The following MYO1D variants were observed in gnomAD, a reference collection of about 807,000 sequenced individuals.
The protein encoded by MYO1D is myosin ID.
A neutral mutation model predicts 122.0 loss-of-function variants in MYO1D; 83 were observed. The observed-to-expected ratio is 0.68, with a 90% CI of 0.57 to 0.82. The LOEUF (loss-of-function observed/expected upper bound fraction) is 0.82. Among genes scored for constraint, MYO1D ranks in the 40% least tolerant of loss-of-function variants. The pLI is 0.00. For missense variants in MYO1D, 1,157 were observed against 1,269.5 expected (o/e 0.91, Z 1.35); for synonymous variants, 464 against 446.9 (o/e 1.04, Z -0.48).
At chr17:32,520,650 C>A (rs964416153) in intron 21 of MYO1D, among the ~76,000 whole-genome samples, 1 of 152,186 alleles carries the variant, frequency 6.6e-6, no homozygotes. Context: ...GGGGCTCCCC[C>A]GATACAGGTC....
intron 1 of MYO1D, among the ~76,000 whole-genome samples, chr17:32,795,761 G>A (rs1384933082): frequency 6.6e-6 from 1 of 152,174 alleles, no homozygotes; most frequent in East Asian, 1.9e-4. Context: ...GAGTCCGCCT[G>A]AAGACAAGTA....
At chr17:32,564,423 T>A (rs1185680808) in intron 21 of MYO1D, among the ~76,000 whole-genome samples, 1 of 152,204 alleles carries the variant, frequency 6.6e-6, no homozygotes, top group Non-Finnish European at 1.5e-5. Flanking sequence ...CGACACCCTC[T>A]ACTTAGCAAT....
chr17:32,569,802 C>G (rs1260175495), intron 21 of MYO1D, among the ~76,000 whole-genome samples: 2 of 152,076 alleles, frequency 1.3e-5, no homozygotes, highest in Non-Finnish European at 2.9e-5. Flanking sequence ...GCACGTATAA[C>G]TTGAATATAT....
chr17:32,819,577 A>G (rs760144998), intron 1 of MYO1D, among the ~76,000 whole-genome samples: 31 of 152,170 alleles, frequency 2.0e-4, no homozygotes, highest in Admixed American at 2.0e-4. Context: ...GGGAATGTCC[A>G]TACTTTCATC....
chr17:32,511,244 A>G (rs1350227254), intron 21 of MYO1D, among the ~76,000 whole-genome samples: 1 of 151,024 alleles, frequency 6.6e-6, no homozygotes, highest in African/African-American at 2.4e-5. Context: ...TTTTGGAAAC[A>G]GGGTCTTGCT....
chr17:32,690,115 CTG>C lies in MYO1D; in HGVS notation c.2121+21871_2121+21872del, dbSNP rs201556030. 5.9e-5 allele frequency among the ~76,000 whole-genome samples: 9 copies of C among 151,328 alleles called. No individual in the cohort carries two copies. The East Asian group carries it at 1.7e-3, about 29-fold the overall frequency. On this transcript the variant is annotated intron_variant, in intron 16 of 21. Transcript: ENST00000318217. ...TTATATATAGGTTATGTGTGAGTGTCTGTTACATACATAGAATGTATAAAGAT... is the reference window on the plus strand; with the variant it reads ...TTATATATAGGTTATGTGTGAGTGTCTTACATACATAGAATGTATAAAGAT...
At chr17:32,512,763 A>G (rs1396555784) in intron 21 of MYO1D, 2 of 152,232 alleles carry the variant, frequency 1.3e-5, no homozygotes, top group Admixed American at 6.6e-5. Flanking sequence ...CCTTCCTTTA[A>G]TAACGTCCCT....
In MYO1D at chr17:32,778,505, G is replaced by T; in HGVS notation, c.373C>A (p.Pro125Thr). ...IMQYIAAITN[P>T]SQRAEVERVK... ...CTTTCAACCTCTGCTCTCTGACTGG[G>T]GTTGGTGATGGCCGCAATATACTGC... Residue 125 changes from proline (P) to threonine (T), a missense_variant, in exon 3 of 22, where the codon CCC (proline) becomes ACC (threonine). Physicochemically the swap from Pro to Thr is conservative, Grantham distance 38. Transcript: ENST00000318217. 6.2e-7 allele frequency: 1 copy of T among 1,613,854 alleles called. No homozygotes were observed. The highest frequency in any genetic ancestry group is 8.5e-7 in the Non-Finnish European group (1 of 1,179,792).
chr17:32,671,883 T>G (rs1208737553), intron 16 of MYO1D, among the ~76,000 whole-genome samples: 3 of 152,278 alleles, frequency 2.0e-5, no homozygotes, highest in East Asian at 1.9e-4. Context: ...CCGTCTTTAT[T>G]TAAAAGTTTG....
chr17:32,553,609 C>G (rs1239586347), intron 21 of MYO1D, among the ~76,000 whole-genome samples: 1 of 152,196 alleles, frequency 6.6e-6, no homozygotes, highest in Non-Finnish European at 1.5e-5. Flanking sequence ...ACCATTCCCT[C>G]TCCTTGAAAC....
chr17:32,780,322 A>G (rs564176454), intron 2 of MYO1D, among the ~76,000 whole-genome samples: 2 of 152,292 alleles, frequency 1.3e-5, no homozygotes, highest in African/African-American at 4.8e-5. Flanking sequence ...AACATTTTCC[A>G]TGTCAGCTCA....
At position 32,578,898 on chromosome 17, in the gene MYO1D, C is replaced by T. The variant is rs371551956; in HGVS notation, c.2864+26189G>A. On this transcript the variant is annotated intron_variant, in intron 21 of 21. Coordinates refer to ENST00000318217, the MANE Select transcript of MYO1D (RefSeq NM_015194.3). ...CCTTGATGACTTCCTCCTGCTTTGG[C>T]GTAACTTCAGACTCATTTACATTCC... 1.8e-4 allele frequency among the ~76,000 whole-genome samples: 28 copies of T among 152,232 alleles called. No individual in the cohort carries two copies. In the South Asian group the frequency reaches 5.4e-3, roughly 29 times the overall value.
At chr17:32,726,327 C>T (rs2089572083) in intron 14 of MYO1D, among the ~76,000 whole-genome samples, 1 of 151,246 alleles carries the variant, frequency 6.6e-6, no homozygotes, top group Admixed American at 6.6e-5. Context: ...GGCTGAGGCA[C>T]AGGAATTGCT....
intron 21 of MYO1D, 34 bp from the exon 22 acceptor site, chr17:32,494,949 G>A (rs1161997224): frequency 6.4e-7 from 1 of 1,566,800 alleles, no homozygotes; most frequent in East Asian, 2.3e-5. Context: ...CGGGCAGTTA[G>A]CAGGCAGCAT....
chr17:32,873,133 C>T (rs2091197558), intron 1 of MYO1D, among the ~76,000 whole-genome samples: 1 of 152,062 alleles, frequency 6.6e-6, no homozygotes, highest in South Asian at 2.1e-4. Context: ...TCTAAAAGGA[C>T]AATGCCACAT....
chr17:32,521,293 T>C (rs1297513601), intron 21 of MYO1D, among the ~76,000 whole-genome samples: 1 of 151,910 alleles, frequency 6.6e-6, no homozygotes, highest in South Asian at 2.1e-4. Context: ...ACACCTAAAA[T>C]AGGGAAGAGA....
intron 1 of MYO1D, among the ~76,000 whole-genome samples, chr17:32,783,089 C>A (rs186729489): frequency 6.6e-6 from 1 of 151,800 alleles, no homozygotes; most frequent in African/African-American, 2.4e-5. Flanking sequence ...GCAGTACATG[C>A]TCAAGTATCT....
intron 20 of MYO1D, among the ~76,000 whole-genome samples, chr17:32,628,664 T>C (rs1177955581): frequency 6.6e-6 from 1 of 152,230 alleles, no homozygotes; most frequent in Admixed American, 6.5e-5. Context: ...CTGAGTTATA[T>C]ATTTTAGGAT....
intron 16 of MYO1D, among the ~76,000 whole-genome samples, chr17:32,691,079 T>C (rs906130152): frequency 7.2e-5 from 11 of 151,740 alleles, no homozygotes; most frequent in Admixed American, 5.9e-4. Context: ...CCGGGCAAGA[T>C]AGTCAGAACT....
Sources: allele counts gnomAD v4.1 joint callset (sites outside exome capture counted in the v4.1 genomes callset), GRCh38; gene constraint gnomAD v4.1.1; transcripts MANE v1.5; gene names NCBI Gene and HGNC (gene_info 2026-07-23, HGNC 2026-07-21).